Variants in HECA observed in about 807,000 individuals in gnomAD.
HECA encodes the protein headcase protein homolog.
In HECA, 13 loss-of-function variants were observed where a neutral mutation model predicts 37.6. That is an observed-to-expected ratio of 0.35 (90% confidence interval 0.23 to 0.55). The LOEUF (loss-of-function observed/expected upper bound fraction) is 0.55, where lower values mean the gene tolerates loss of function less well. HECA is among the 20% of genes least tolerant of loss of function. HECA has a pLI of 0.90. For synonymous variants in HECA, 307 were observed against 291.5 expected, an observed-to-expected ratio of 1.05 and a Z score of -0.54; for missense variants, 527 against 701.9, an observed-to-expected ratio of 0.75 and a Z score of 2.82.
intron 1 of HECA, among the ~76,000 whole-genome samples, chr6:139,158,524 G>A (rs1458714577): frequency 6.7e-6 from 1 of 149,756 alleles, no homozygotes; most frequent in Non-Finnish European, 1.5e-5. Context: ...AAAATCAGCT[G>A]GGAGTGGTGG....
At chr6:139,154,760 C>T (rs748615341) in intron 1 of HECA, among the ~76,000 whole-genome samples, 41 of 152,340 alleles carry the variant, frequency 2.7e-4, no homozygotes, top group Non-Finnish European at 5.1e-4. Context: ...CCAGCATTTA[C>T]ACTGCGTTGT....
chr6:139,174,545 T>C lies in HECA; in HGVS notation c.1467+6T>C. On this transcript the variant is annotated splice_donor_region_variant and intron_variant, in intron 3 of 3. Transcript: ENST00000367658. Reference sequence around the variant, plus strand: ...CTGCCTCTCCATGTTGTCAGGTAGGTACTGAACACACTGAGGGAGCAGTGG... The same window carrying C: ...CTGCCTCTCCATGTTGTCAGGTAGGCACTGAACACACTGAGGGAGCAGTGG... 1.9e-6 allele frequency: 3 copies of C among 1,613,572 alleles called. No homozygotes were observed. The highest frequency in any genetic ancestry group is 2.5e-6 in the Non-Finnish European group (3 of 1,179,734).
At chr6:139,137,147 TC>T (rs1774458394) in intron 1 of HECA, among the ~76,000 whole-genome samples, 1 of 152,228 alleles carries the variant, frequency 6.6e-6, no homozygotes, top group African/African-American at 2.4e-5. Context: ...CCTGTGTTCT[TC>T]ATGTTCTTTT....
intron 1 of HECA, among the ~76,000 whole-genome samples, chr6:139,156,043 T>C (rs1774708028): frequency 6.6e-6 from 1 of 151,870 alleles, no homozygotes; most frequent in African/African-American, 2.4e-5. Context: ...TATAAATATG[T>C]TTATATTTTA....
At chr6:139,139,982 A>G (rs1413130379) in intron 1 of HECA, among the ~76,000 whole-genome samples, 3 of 152,208 alleles carry the variant, frequency 2.0e-5, no homozygotes, top group Non-Finnish European at 4.4e-5. Flanking sequence ...GGAATTAACC[A>G]CCATTATAAC....
At position 139,177,253 on chromosome 6, in the gene HECA, C is replaced by T. The variant is rs1775064940; in HGVS notation, c.*148C>T. The T allele has an allele frequency of 1.3e-5, 7 of 554,740 alleles. No individual in the cohort carries two copies. The highest frequency in any genetic ancestry group is 1.6e-5 in the Non-Finnish European group (5 of 314,560). The allele number at this position is 554,740 out of a possible 1,614,324, so 34.4% of individuals were successfully genotyped here. ...ATGTGTGCCACTAAAATAGGGGCTGCCCTTGCCCTGTCTTGATTCCCGAGT... is the reference window on the plus strand; with the variant it reads ...ATGTGTGCCACTAAAATAGGGGCTGTCCTTGCCCTGTCTTGATTCCCGAGT... On this transcript the variant is annotated 3_prime_UTR_variant, in exon 4 of 4. Transcript: ENST00000367658. The surrounding 1 kb of genome is among the most constrained non-coding windows in gnomAD (Gnocchi z 4.9).
Position 139,167,013 on chromosome 6 carries a change from G to A in HECA, c.1001G>A (p.Gly334Glu), listed in dbSNP as rs575237379. 40 of 1,614,180 alleles carry A rather than the reference G, an allele frequency of 2.5e-5. No homozygotes were observed. Among genetic ancestry groups the A allele is most frequent in the Non-Finnish European group, 3.1e-5 (37 of 1,180,032 alleles). The change falls in exon 2 of 4, where the codon GGG becomes GAG. Residue 334 changes from glycine to glutamate, a missense_variant. Physicochemically the swap from Gly to Glu is moderately conservative, Grantham distance 98. Coordinates refer to ENST00000367658, the MANE Select transcript of HECA (RefSeq NM_016217.3). Reference protein sequence around the residue: ...YSPAGLAVHRGGHFDTPVQFL... With the variant: ...YSPAGLAVHREGHFDTPVQFL... Reference sequence around the variant, plus strand: ...CCTGCGGGGTTGGCAGTTCACAGGGGGGGACACTTCGACACCCCCGTGCAG... The same window carrying A: ...CCTGCGGGGTTGGCAGTTCACAGGGAGGGACACTTCGACACCCCCGTGCAG...
intron 1 of HECA, among the ~76,000 whole-genome samples, chr6:139,148,020 T>C (rs1296066091): frequency 6.6e-6 from 1 of 152,210 alleles, no homozygotes; most frequent in African/African-American, 2.4e-5. Flanking sequence ...TCACATCTCA[T>C]TGTCATAATA....
In HECA at chr6:139,180,163, C is replaced by T. The variant is rs1027930944; in HGVS notation, c.*3058C>T. 6.6e-6 allele frequency: 1 copy of T among 152,150 alleles called. No homozygotes were observed. Among genetic ancestry groups the T allele is most frequent in the African/African-American group, 2.4e-5 (1 of 41,430 alleles). 9.4% of individuals were successfully genotyped at this position (152,150 alleles called of 1,614,324 possible). On this transcript the variant is annotated 3_prime_UTR_variant, in exon 4 of 4. Transcript: ENST00000367658. ...GGAGCTTTCCTTAAATGCCCTTTAA[C>T]TTCTAGGTTTTGTTCAAGAAGTTCA...
At chr6:139,135,705 C>G (rs1228882944) in intron 1 of HECA, 38 bp downstream of exon 1, 62 of 953,480 alleles carry the variant, frequency 6.5e-5, no homozygotes, top group Non-Finnish European at 7.5e-5. Flanking sequence ...CAACTTCCTC[C>G]CCGACGGGGA....
rs933687984 is a variant in HECA, at chr6:139,178,357, A to C, written c.*1252A>C. On this transcript the variant is annotated 3_prime_UTR_variant, in exon 4 of 4. Coordinates refer to ENST00000367658, the MANE Select transcript of HECA (RefSeq NM_016217.3). ...GACTGACGTCGCATACCCTTATAGA[A>C]TTGGAATATGATTTCTCAAAAATTA... 2.3e-4 allele frequency: 35 copies of C among 152,308 alleles called. No individual in the cohort carries two copies. The highest frequency in any genetic ancestry group is 1.0e-3 in the Admixed American group (16 of 15,304). The allele number at this position is 152,308 out of a possible 1,614,324, so 9.4% of individuals were successfully genotyped here.
chr6:139,141,078 G>A (rs1241856355), intron 1 of HECA, among the ~76,000 whole-genome samples: 4 of 152,142 alleles, frequency 2.6e-5, no homozygotes, highest in Non-Finnish European at 5.9e-5. Flanking sequence ...GCGTGAGCCA[G>A]CGCGCCCGGC....
Position 139,180,048 on chromosome 6 carries a change from G to A in HECA, c.*2943G>A, listed in dbSNP as rs1376994808. On this transcript the variant is annotated 3_prime_UTR_variant, in exon 4 of 4. Coordinates refer to ENST00000367658, the MANE Select transcript of HECA (RefSeq NM_016217.3). ...TCTTCATTCTCTTGTTACATTTGAA[G>A]CAGTTGATATAATGGGTTTATACTT... The A allele has an allele frequency of 6.6e-6, 1 of 152,132 alleles. No homozygotes were observed. Among genetic ancestry groups the A allele is most frequent in the Non-Finnish European group, 1.5e-5 (1 of 68,018 alleles). The allele number at this position is 152,132 out of a possible 1,614,324, so 9.4% of individuals were successfully genotyped here. A position where few individuals can be genotyped will look rare whatever the true frequency, so the allele number is the denominator to read the frequency against.
chr6:139,136,092 C>T lies in HECA; in HGVS notation c.271+425C>T, dbSNP rs527366336. On this transcript the variant is annotated intron_variant, in intron 1 of 3. Transcript: ENST00000367658. ...CCGGTGCTCCAAGGCCACCCGTAAC[C>T]CCCGGAATGAAGGAGAGAGAGCCTC... 4.1e-3 allele frequency among the ~76,000 whole-genome samples: 628 copies of T among 151,962 alleles called. 5 individuals are homozygous for T. Among genetic ancestry groups the T allele is most frequent in the Non-Finnish European group, 6.2e-3 (419 of 67,920 alleles).
intron 1 of HECA, among the ~76,000 whole-genome samples, chr6:139,154,566 G>T (rs557596183): frequency 1.3e-5 from 2 of 152,232 alleles, no homozygotes; most frequent in Non-Finnish European, 2.9e-5. Flanking sequence ...CGGATGACCC[G>T]TGTTGCCAGT....
intron 3 of HECA, 45 bp downstream of exon 3, chr6:139,174,584 T>G (rs764175724): frequency 4.4e-6 from 7 of 1,596,314 alleles, no homozygotes; most frequent in Non-Finnish European, 6.0e-6. Context: ...ATATTAGGCT[T>G]CTGTCCCCAA....
intron 1 of HECA, among the ~76,000 whole-genome samples, chr6:139,163,573 C>T (rs1226861260): frequency 2.0e-5 from 3 of 152,046 alleles, no homozygotes; most frequent in East Asian, 1.9e-4. Flanking sequence ...AGGCTAGTAT[C>T]GAACTCCTGA....
chr6:139,157,251 C>T (rs530176037), intron 1 of HECA, among the ~76,000 whole-genome samples: 11 of 152,228 alleles, frequency 7.2e-5, no homozygotes, highest in African/African-American at 2.4e-4. Flanking sequence ...TGGGTTTGGT[C>T]GGTTTTGACC....
At position 139,135,423 on chromosome 6, in the gene HECA, C is replaced by T; in HGVS notation, c.27C>T (p.Gly9=). MPNPKNSK[G]GRKNKRANSS... is the part of the protein sequence containing the mutation. The stretch of plus-strand genomic sequence containing the variant: ...TGCCCAACCCCAAAAACAGCAAAGG[C>T]GGCCGCAAAAACAAGCGCGCCAACA... The change falls in exon 1 of 4, where the codon GGC becomes GGT. Residue 9 remains glycine (G), a synonymous_variant. Transcript: ENST00000367658. 1.4e-6 allele frequency: 2 copies of T among 1,383,772 alleles called. No individual in the cohort carries two copies. The highest frequency in any genetic ancestry group is 2.7e-5 in the South Asian group (2 of 73,826). 85.7% of individuals were successfully genotyped at this position (1,383,772 alleles called of 1,614,324 possible).
Sources: allele counts gnomAD v4.1 joint callset (sites outside exome capture counted in the v4.1 genomes callset), GRCh38; gene constraint gnomAD v4.1.1; non-coding constraint Gnocchi (gnomAD v3.1); transcripts MANE v1.5; gene names NCBI Gene and HGNC (gene_info 2026-07-23, HGNC 2026-07-21).